The following GRM1 variants were observed in gnomAD, a reference collection of about 807,000 sequenced individuals.
The protein encoded by GRM1 is glutamate metabotropic receptor 1.
GRM1 carries 33 observed loss-of-function variants against 90.9 expected under a neutral mutation model. That is an observed-to-expected ratio of 0.36 (90% CI 0.28 to 0.49). The LOEUF (loss-of-function observed/expected upper bound fraction) is 0.49. Among genes scored for constraint, GRM1 ranks in the 20% least tolerant of loss-of-function variants. GRM1 has a pLI of 0.99. For missense variants in GRM1, 1,190 were observed against 1,534.3 expected, an observed-to-expected ratio of 0.78 and a Z score of 3.75; for synonymous variants, 700 against 613.2, an observed-to-expected ratio of 1.14 and a Z score of -2.09.
intron 2 of GRM1, among the ~76,000 whole-genome samples, chr6:146,267,220 A>C (rs1435628285): frequency 6.6e-6 from 1 of 152,172 alleles, no homozygotes; most frequent in African/African-American, 2.4e-5. Context: ...CCATGATCTC[A>C]TTCCTTCTTG....
chr6:146,437,192 A>G lies in GRM1; in HGVS notation c.*2396A>G, dbSNP rs1321232591. On this transcript the variant is annotated 3_prime_UTR_variant, in exon 8 of 8. Transcript: ENST00000282753. ...ATGCTTATTTTTTACTCTTAATGCC[A>G]CTAATATACATCCCTAATATCACAG... is the stretch of plus-strand genomic sequence containing the variant. 2.0e-5 allele frequency: 3 copies of G among 152,180 alleles called. No homozygotes were observed. Among genetic ancestry groups the G allele is most frequent in the Non-Finnish European group, 4.4e-5 (3 of 68,022 alleles). The allele number at this position is 152,180 out of a possible 1,614,324, so 9.4% of individuals were successfully genotyped here. A position where few individuals can be genotyped will look rare whatever the true frequency, so the allele number is the denominator to read the frequency against.
intron 1 of GRM1, among the ~76,000 whole-genome samples, chr6:146,085,823 A>G (rs1207326794): frequency 6.6e-6 from 1 of 152,136 alleles, no homozygotes; most frequent in Non-Finnish European, 1.5e-5. Flanking sequence ...TTGAGGATTT[A>G]GGATTTAGTT....
intron 1 of GRM1, among the ~76,000 whole-genome samples, chr6:146,120,024 C>G (rs1583029382): frequency 6.6e-6 from 1 of 152,140 alleles, no homozygotes; most frequent in African/African-American, 2.4e-5. Flanking sequence ...CTATAAATTA[C>G]CTTGAGCAGT....
chr6:146,352,574 G>A (rs901575615), intron 4 of GRM1, 78 bp downstream of exon 4: 7 of 1,429,908 alleles, frequency 4.9e-6, no homozygotes, highest in Non-Finnish European at 5.9e-6. Context: ...GGCTTCATCT[G>A]GTTCCATGGT....
In GRM1 at chr6:146,070,171, A is replaced by AT. The variant is rs199811561; in HGVS notation, c.700+39963dup. 6.3e-3 allele frequency among the ~76,000 whole-genome samples: 959 copies of AT among 151,086 alleles called. 10 individuals carry two copies. Among genetic ancestry groups the AT allele is most frequent in the African/African-American group, 0.021 (853 of 41,192 alleles). On this transcript the variant is annotated intron_variant, in intron 1 of 7. Coordinates refer to ENST00000282753, the MANE Select transcript of GRM1 (RefSeq NM_001278064.2). ...TCTTTCCTCCAGTGCTCTTAAAGTC[A>AT]TTTTTTTTTCTCTAACAAGTTTATT... is the stretch of plus-strand genomic sequence containing the variant.
intron 2 of GRM1, among the ~76,000 whole-genome samples, chr6:146,174,444 T>C (rs1778258284): frequency 6.6e-6 from 1 of 152,206 alleles, no homozygotes; most frequent in Non-Finnish European, 1.5e-5. Context: ...ATTTCAAACC[T>C]AGATAAGTGC....
chr6:146,274,960 G>T (rs1782299923), intron 2 of GRM1, among the ~76,000 whole-genome samples: 1 of 152,130 alleles, frequency 6.6e-6, no homozygotes, highest in Non-Finnish European at 1.5e-5. Context: ...AATCCAGGAG[G>T]TGGAGTTTGC....
intron 5 of GRM1, among the ~76,000 whole-genome samples, chr6:146,384,416 T>A (rs1776426054): frequency 6.6e-6 from 1 of 152,096 alleles, no homozygotes; most frequent in Admixed American, 6.6e-5. Flanking sequence ...GTCTTAATAA[T>A]GAGGCTAAAC....
chr6:146,204,014 G>A (rs1390866706), intron 2 of GRM1, among the ~76,000 whole-genome samples: 1 of 152,120 alleles, frequency 6.6e-6, no homozygotes, highest in Non-Finnish European at 1.5e-5. Context: ...AGCACATGTA[G>A]ATTGTGTTAT....
At chr6:146,233,772 T>A (rs1030108833) in intron 2 of GRM1, among the ~76,000 whole-genome samples, 2 of 152,144 alleles carry the variant, frequency 1.3e-5, no homozygotes, top group African/African-American at 4.8e-5. Context: ...TAATAATATA[T>A]CAAACTATAG....
intron 2 of GRM1, among the ~76,000 whole-genome samples, chr6:146,247,356 A>G (rs1781095673): frequency 6.6e-6 from 1 of 152,172 alleles, no homozygotes; most frequent in Non-Finnish European, 1.5e-5. Context: ...GCTGCATGGT[A>G]CAAGGAGCGG....
At chr6:146,357,025 A>T (rs912231096) in intron 4 of GRM1, among the ~76,000 whole-genome samples, 1 of 152,188 alleles carries the variant, frequency 6.6e-6, no homozygotes, top group Non-Finnish European at 1.5e-5. Context: ...AATCCTCAAC[A>T]TCCTTAGTAA....
At chr6:146,433,345 T>C (rs1778479556) in intron 7 of GRM1, among the ~76,000 whole-genome samples, 1 of 152,232 alleles carries the variant, frequency 6.6e-6, no homozygotes, top group African/African-American at 2.4e-5. Flanking sequence ...TCATGGGAAA[T>C]ACTTGCATAT....
At chr6:146,353,220 T>A (rs905674257) in intron 4 of GRM1, among the ~76,000 whole-genome samples, 1 of 152,194 alleles carries the variant, frequency 6.6e-6, no homozygotes, top group Non-Finnish European at 1.5e-5. Flanking sequence ...TCAAGAATAG[T>A]TGTGTTCATT....
intron 3 of GRM1, among the ~76,000 whole-genome samples, chr6:146,341,279 C>A (rs1784971178): frequency 6.6e-6 from 1 of 152,118 alleles, no homozygotes; most frequent in South Asian, 2.1e-4. Flanking sequence ...GTTAAGATTT[C>A]TGTCTCCCTC....
chr6:146,190,225 A>T (rs1411458402), intron 2 of GRM1, among the ~76,000 whole-genome samples: 2 of 152,224 alleles, frequency 1.3e-5, no homozygotes, highest in Non-Finnish European at 2.9e-5. Context: ...TAGGTGGGAA[A>T]TAAAATTTTC....
intron 2 of GRM1, among the ~76,000 whole-genome samples, chr6:146,254,377 C>T (rs996746243): frequency 1.3e-5 from 2 of 152,040 alleles, no homozygotes; most frequent in African/African-American, 4.8e-5. Flanking sequence ...AGACTCTAGA[C>T]GTTCAGACAG....
chr6:146,426,192 T>TAAG (rs33935619), intron 7 of GRM1, among the ~76,000 whole-genome samples: 81,569 of 151,726 alleles, frequency 0.54, 21,999 homozygotes, highest in South Asian at 0.63. Flanking sequence ...GCACTTCCTT[T>TAAG]AGGAGTAGAG....
At chr6:146,190,592 T>G (rs1021379472) in intron 2 of GRM1, among the ~76,000 whole-genome samples, 1 of 152,310 alleles carries the variant, frequency 6.6e-6, no homozygotes, top group South Asian at 2.1e-4. Flanking sequence ...TAATATTTAC[T>G]GCACAGTTGA....
Sources: gnomAD v4.1 joint callset for allele counts (sites outside exome capture counted in the v4.1 genomes callset) on GRCh38, gnomAD v4.1.1 for gene constraint, MANE v1.5 for transcripts, NCBI Gene and HGNC (gene_info 2026-07-23, HGNC 2026-07-21) for gene names.